Variants in FANCL observed in about 807,000 individuals in gnomAD.
FANCL encodes the protein E3 ubiquitin-protein ligase FANCL.
FANCL carries 69 observed loss-of-function variants against 59.4 expected under a neutral mutation model. The ratio of observed to expected loss-of-function variants is 1.16; its 90% CI spans 0.96 to 1.42. The LOEUF (loss-of-function observed/expected upper bound fraction) is 1.42. Among genes scored for constraint, FANCL ranks in the 40% most tolerant of loss-of-function variants. FANCL has a pLI of 0.00. For missense variants in FANCL, 519 were observed against 447.2 expected (o/e 1.16, Z -1.45); for synonymous variants, 180 against 147.1 (o/e 1.22, Z -1.62).
In FANCL at chr2:58,202,252, A is replaced by AG. The variant is rs1484870757; in HGVS notation, c.471+1877_471+1878insC. 3.0e-4 allele frequency among the ~76,000 whole-genome samples: 45 copies of AG among 150,288 alleles called. No individual in the cohort carries two copies. In the East Asian group the frequency reaches 8.1e-3, roughly 27 times the overall value. ...ATACCTTTTTCCTAAAAAAAAAAAAAAAAAAAAAAGACTTCCTGGTTTTCT... is the reference window on the plus strand; with the variant it reads ...ATACCTTTTTCCTAAAAAAAAAAAAAGAAAAAAAAAGACTTCCTGGTTTTCT... On this transcript the variant is annotated intron_variant, in intron 6 of 13. Coordinates refer to ENST00000233741, the MANE Select transcript of FANCL (RefSeq NM_018062.4).
intron 7 of FANCL, among the ~76,000 whole-genome samples, chr2:58,178,117 A>T (rs1239416305): frequency 6.6e-6 from 1 of 152,110 alleles, no homozygotes. Flanking sequence ...TAACCAAAAA[A>T]AGCCCAGAAC....
chr2:58,171,973 A>C (rs1195757928), intron 7 of FANCL, among the ~76,000 whole-genome samples: 1 of 152,222 alleles, frequency 6.6e-6, no homozygotes, highest in African/African-American at 2.4e-5. Context: ...GGAGAGTCCT[A>C]CGCCCACGGA....
chr2:58,218,318 A>T lies in FANCL; in HGVS notation c.374+3624T>A, dbSNP rs114128639. 5.8e-3 allele frequency among the ~76,000 whole-genome samples: 887 copies of T among 152,048 alleles called. 14 individuals carry two copies. The highest frequency in any genetic ancestry group is 0.02 in the African/African-American group (836 of 41,492). ...CTTAATAAGCAGATATTAATGATAAAAAAATATACAACAGAGAAAATTAAC... is the reference window on the plus strand; with the variant it reads ...CTTAATAAGCAGATATTAATGATAATAAAATATACAACAGAGAAAATTAAC... On this transcript the variant is annotated intron_variant, in intron 5 of 13. Coordinates refer to ENST00000233741, the MANE Select transcript of FANCL (RefSeq NM_018062.4).
chr2:58,208,862 T>C (rs1349305844), intron 5 of FANCL, among the ~76,000 whole-genome samples: 1 of 152,200 alleles, frequency 6.6e-6, no homozygotes, highest in Non-Finnish European at 1.5e-5. Flanking sequence ...AAATATTCAA[T>C]GAGTCCCTAT....
At chr2:58,160,718 T>TA (rs1685025627) in intron 12 of FANCL, among the ~76,000 whole-genome samples, 1 of 152,128 alleles carries the variant, frequency 6.6e-6, no homozygotes, top group South Asian at 2.1e-4. Context: ...CATGTTCCCT[T>TA]AGAGTATTTC....
At position 58,163,412 on chromosome 2, in the gene FANCL, G is replaced by A. The variant is rs10445896; in HGVS notation, c.775+22C>T. On this transcript the variant is annotated intron_variant, in intron 9 of 13. Coordinates refer to ENST00000233741, the MANE Select transcript of FANCL (RefSeq NM_018062.4). ...GGATTTTATGACTCTATTAAAAAAC[G>A]TTTAAATCTCAGATGTCATACCATG... 148,276 of 1,522,878 alleles carry A rather than the reference G, an allele frequency of 0.097. 8,879 individuals are homozygous for A. The highest frequency in any genetic ancestry group is 0.26 in the African/African-American group (19,265 of 73,030). 94.3% of individuals were successfully genotyped at this position (1,522,878 alleles called of 1,614,324 possible).
Position 58,160,120 on chromosome 2 carries a change from T to A in FANCL, c.1080A>T (p.Pro360=). 1 of 1,612,780 alleles carries A rather than the reference T, an allele frequency of 6.2e-7. No individual in the cohort carries two copies. The highest frequency in any genetic ancestry group is 8.5e-7 in the Non-Finnish European group (1 of 1,178,994). Residue 360 remains proline, a synonymous_variant, in exon 13 of 14, where the codon CCA becomes CCT. Transcript: ENST00000233741. ...QSFNIIFGEC[P]YCSKPITLKM... is the part of the protein sequence containing the mutation. ...ACAATTTGCTTACCTTACTACAATA[T>A]GGACATTCACCAAATATGATGTTAA...
At chr2:58,229,374 CTTTAA>C (rs1015246404) in intron 3 of FANCL, among the ~76,000 whole-genome samples, 12 of 152,092 alleles carry the variant, frequency 7.9e-5, no homozygotes, top group African/African-American at 1.2e-4. Context: ...ACTAAGCAGC[CTTTAA>C]TTTATCTCCC....
chr2:58,164,583 C>G (rs1490299370), intron 8 of FANCL, among the ~76,000 whole-genome samples: 3 of 151,584 alleles, frequency 2.0e-5, no homozygotes, highest in African/African-American at 7.3e-5. Flanking sequence ...CAAATCATGC[C>G]TGGAGGAGAA....
At position 58,165,760 on chromosome 2, in the gene FANCL, G is replaced by T. The variant is rs1685873928; in HGVS notation, c.655C>A (p.Pro219Thr). 11 of 1,614,078 alleles carry T rather than the reference G, an allele frequency of 6.8e-6. No homozygotes were observed. The highest frequency in any genetic ancestry group is 8.5e-6 in the Non-Finnish European group (10 of 1,179,984). Residue 219 changes from proline to threonine, a missense_variant, in exon 8 of 14, where the codon CCT becomes ACT. Transcript: ENST00000233741. ...CTGCGTGCTGTTGCACTCCGTGGAG[G>T]TTTTTCTGGCTCAAGTACCCAGGTC... ...EKTWVLEPEK[P>T]PRSATARRIA...
Position 58,241,276 on chromosome 2 carries a change from G to A in FANCL, c.38C>T (p.Pro13Leu). The A allele has an allele frequency of 1.2e-6, 2 of 1,614,256 alleles. No homozygotes were observed. Among genetic ancestry groups the A allele is most frequent in the Non-Finnish European group, 1.7e-6 (2 of 1,180,044 alleles). ...VTEASLLRQC[P>L]LLLPQNRSKT... The stretch of plus-strand genomic sequence containing the variant: ...CGACCGGTTCTGGGGCAGAAGCAGG[G>A]GGCACTGGCGCAACAGGCTCGCTTC... Residue 13 changes from proline (P) to leucine (L), a missense_variant, in exon 1 of 14, where the codon CCC (proline) becomes CTC (leucine). Coordinates refer to ENST00000233741, the MANE Select transcript of FANCL (RefSeq NM_018062.4).
chr2:58,235,690 G>A (rs1319132265), intron 1 of FANCL, among the ~76,000 whole-genome samples: 1 of 151,776 alleles, frequency 6.6e-6, no homozygotes, highest in Non-Finnish European at 1.5e-5. Flanking sequence ...GAAAAATCAA[G>A]AGAGACATAA....
Position 58,229,620 on chromosome 2 carries a change from A to G in FANCL, c.216+194T>C, listed in dbSNP as rs56246409. ...CCTAAAGTCTCAAAGATGGAAATCG[A>G]TTTCAACACAAAGGCTGCCTGGAGA... On this transcript the variant is annotated intron_variant, in intron 3 of 13. Coordinates refer to ENST00000233741, the MANE Select transcript of FANCL (RefSeq NM_018062.4). 0.13 allele frequency among the ~76,000 whole-genome samples: 19,262 copies of G among 152,156 alleles called. 1,676 individuals carry two copies. The highest frequency in any genetic ancestry group is 0.24 in the African/African-American group (10,002 of 41,450).
chr2:58,238,039 T>G (rs1380039629), intron 1 of FANCL, among the ~76,000 whole-genome samples: 1 of 152,228 alleles, frequency 6.6e-6, no homozygotes, highest in African/African-American at 2.4e-5. Flanking sequence ...CCAATAGCTA[T>G]GTGAATGAGC....
chr2:58,195,241 TATC>T (rs1689314077), intron 7 of FANCL, among the ~76,000 whole-genome samples: 1 of 152,148 alleles, frequency 6.6e-6, no homozygotes, highest in Non-Finnish European at 1.5e-5. Context: ...TCAACACTCT[TATC>T]ATGTCTAAAA....
At chr2:58,193,516 A>G (rs1028701887) in intron 7 of FANCL, among the ~76,000 whole-genome samples, 1 of 152,114 alleles carries the variant, frequency 6.6e-6, no homozygotes, top group African/African-American at 2.4e-5. Flanking sequence ...TACTTTTTCT[A>G]CCATATCACA....
At chr2:58,212,144 T>TA (rs1691223891) in intron 5 of FANCL, among the ~76,000 whole-genome samples, 1 of 152,212 alleles carries the variant, frequency 6.6e-6, no homozygotes, top group South Asian at 2.1e-4. Context: ...TAATTGGACT[T>TA]ACAGTTCCAC....
In FANCL at chr2:58,165,702, C is replaced by G. The variant is rs766392516; in HGVS notation, c.691+22G>C. 33 of 1,613,658 alleles carry G rather than the reference C, an allele frequency of 2.0e-5. No individual in the cohort carries two copies. The East Asian group carries it at 2.5e-4, about 12-fold the overall frequency. ...CAAAATAAAACACCTAAAAACAAAC[C>G]CTTAATCCTCCTTGTCCCTACCTAA... On this transcript the variant is annotated intron_variant, in intron 8 of 13. Transcript: ENST00000233741.
At chr2:58,219,175 T>TAA (rs1692209724) in intron 5 of FANCL, among the ~76,000 whole-genome samples, 1 of 51,502 alleles carries the variant, frequency 1.9e-5, no homozygotes, top group Non-Finnish European at 3.1e-5. Context: ...AAAAAAAATA[T>TAA]ATATATATAT....
Sources: gnomAD v4.1 joint callset for allele counts (sites outside exome capture counted in the v4.1 genomes callset) on GRCh38, gnomAD v4.1.1 for gene constraint, MANE v1.5 for transcripts, NCBI Gene and HGNC (gene_info 2026-07-23, HGNC 2026-07-21) for gene names.